The following GRIP1 variants were observed in gnomAD, a reference collection of about 807,000 sequenced individuals.
GRIP1 encodes the protein glutamate receptor-interacting protein 1.
A neutral mutation model predicts 129.9 loss-of-function variants in GRIP1; 45 were observed. The ratio of observed to expected loss-of-function variants is 0.35; its 90% confidence interval spans 0.27 to 0.44. The LOEUF is 0.44. Ranked by LOEUF, GRIP1 falls within the 20% of genes least tolerant of loss-of-function variation. The pLI is 1.00. For missense variants in GRIP1, 1,196 were observed against 1,396.8 expected (o/e 0.86, Z 2.29); for synonymous variants, 530 against 520.8 (o/e 1.02, Z -0.24).
intron 5 of GRIP1, among the ~76,000 whole-genome samples, chr12:66,519,560 T>C (rs2060942159): frequency 6.6e-6 from 1 of 152,158 alleles, no homozygotes; most frequent in African/African-American, 2.4e-5. Context: ...CTTGTTAAAG[T>C]GTGAGGTAGT....
In GRIP1 at chr12:66,734,826, G is replaced by T. The variant is rs1402854288; in HGVS notation, c.-420+69227C>A. ...AAATTCATTCTTAAAAAGAAACATC[G>T]CTAGACTAATTGAGGCTTAAAGAAG... On this transcript the variant is annotated intron_variant, in intron 1 of 4. Coordinates refer to the GRIP1 transcript ENST00000538373. Among the ~76,000 whole-genome samples the T allele has an allele frequency of 2.0e-5, 3 of 152,048 alleles. No homozygotes were observed. The East Asian group carries it at 5.8e-4, about 29-fold the overall frequency.
intron 1 of GRIP1, among the ~76,000 whole-genome samples, chr12:66,994,917 G>T (rs1445566798): frequency 6.6e-6 from 1 of 151,870 alleles, no homozygotes; most frequent in Non-Finnish European, 1.5e-5. Flanking sequence ...AAAGTTGAAG[G>T]ATTTAGACTT....
intron 8 of GRIP1, among the ~76,000 whole-genome samples, chr12:66,464,818 CTGTGTG>C (rs66669633): frequency 6.6e-6 from 1 of 150,436 alleles, no homozygotes; most frequent in Non-Finnish European, 1.5e-5. Context: ...GGCAAGAGAA[CTGTGTG>C]TGTGTGTGTG....
At chr12:66,738,435 A>T (rs2036680367) in intron 1 of GRIP1, among the ~76,000 whole-genome samples, 1 of 151,702 alleles carries the variant, frequency 6.6e-6, no homozygotes, top group Non-Finnish European at 1.5e-5. Context: ...GTTAGCCAAG[A>T]TGGTCTCGAT....
At chr12:66,447,550 C>A (rs2058666561) in intron 11 of GRIP1, among the ~76,000 whole-genome samples, 1 of 152,088 alleles carries the variant, frequency 6.6e-6, no homozygotes, top group Non-Finnish European at 1.5e-5. Flanking sequence ...TTCTGTTTAG[C>A]CTCAATTTCT....
At chr12:66,380,434 C>T (rs893201314) in intron 19 of GRIP1, among the ~76,000 whole-genome samples, 6 of 152,120 alleles carry the variant, frequency 3.9e-5, no homozygotes, top group African/African-American at 1.4e-4. Flanking sequence ...GGATAAGAAG[C>T]CTGCTGCGTT....
At chr12:66,627,166 T>G (rs2030176061) in intron 1 of GRIP1, among the ~76,000 whole-genome samples, 1 of 152,234 alleles carries the variant, frequency 6.6e-6, no homozygotes, top group Non-Finnish European at 1.5e-5. Context: ...ATATTACTAT[T>G]GGCTCTTCAT....
chr12:66,923,874 C>G (rs537413981), intron 1 of GRIP1, among the ~76,000 whole-genome samples: 7 of 151,550 alleles, frequency 4.6e-5, no homozygotes, highest in Admixed American at 4.6e-4. Flanking sequence ...GATGGAGTTT[C>G]GCTCTTGTTG....
At chr12:66,675,128 A>C (rs1326204742) in intron 1 of GRIP1, among the ~76,000 whole-genome samples, 1 of 152,184 alleles carries the variant, frequency 6.6e-6, no homozygotes, top group East Asian at 1.9e-4. Context: ...AAAATGTTGA[A>C]GTCTATACTA....
intron 19 of GRIP1, among the ~76,000 whole-genome samples, chr12:66,379,875 C>T (rs945242293): frequency 2.0e-5 from 3 of 152,100 alleles, no homozygotes; most frequent in Non-Finnish European, 4.4e-5. Context: ...ACTCCTGCCA[C>T]TTTACAAACA....
At chr12:66,754,775 G>A (rs975257328) in intron 1 of GRIP1, among the ~76,000 whole-genome samples, 2 of 152,122 alleles carry the variant, frequency 1.3e-5, no homozygotes, top group Non-Finnish European at 2.9e-5. Flanking sequence ...AGGATAGAAA[G>A]TAATAAGAGG....
chr12:66,543,194 C>T (rs2061839699), intron 2 of GRIP1, among the ~76,000 whole-genome samples: 1 of 152,100 alleles, frequency 6.6e-6, no homozygotes, highest in African/African-American at 2.4e-5. Flanking sequence ...CTACTTATTT[C>T]CTCAGCAGCC....
intron 1 of GRIP1, among the ~76,000 whole-genome samples, chr12:66,694,722 A>G (rs1436297275): frequency 6.6e-6 from 1 of 152,190 alleles, no homozygotes; most frequent in Admixed American, 6.5e-5. Context: ...TCCCCAACCC[A>G]CAGTCACCTA....
intron 1 of GRIP1, among the ~76,000 whole-genome samples, chr12:66,603,704 C>T (rs1368848419): frequency 2.0e-5 from 3 of 152,212 alleles, no homozygotes; most frequent in Non-Finnish European, 4.4e-5. Context: ...ATCCCCAGGC[C>T]TGCAATGATC....
At chr12:66,589,194 TTC>T (rs10582806) in intron 2 of GRIP1, among the ~76,000 whole-genome samples, 26,737 of 95,362 alleles carry the variant, frequency 0.28, 3,426 homozygotes, top group African/African-American at 0.33. Flanking sequence ...CTCCCCCACC[TTC>T]TCTCTCTCTC....
chr12:66,804,111 T>G (rs946948919), exon 1 of GRIP1: 8 of 455,872 alleles, frequency 1.8e-5, no homozygotes, highest in African/African-American at 1.6e-4. Flanking sequence ...GGTAATCCTC[T>G]TCTGGTCGGT....
intron 1 of GRIP1, among the ~76,000 whole-genome samples, chr12:66,610,932 TGGGTACTGATTTTAA>T (rs2064766280): frequency 6.6e-6 from 1 of 152,200 alleles, no homozygotes; most frequent in Admixed American, 6.5e-5. Context: ...CTGAATGATT[TGGGTACTGATTTTAA>T]GCACAGCCTG....
At position 66,594,531 on chromosome 12, in the gene GRIP1, G is replaced by A. The variant is rs562338795; in HGVS notation, c.136+2316C>T. On this transcript the variant is annotated intron_variant, in intron 2 of 24. Coordinates refer to ENST00000359742, the MANE Select transcript of GRIP1 (RefSeq NM_001366722.1). ...TTCATCAGCTATCATTAGTGTTAGT[G>A]TATTTTATGTGTGGCCCAAGACAAT... Among the ~76,000 whole-genome samples, 10 of 152,156 alleles carry A rather than the reference G, an allele frequency of 6.6e-5. No individual in the cohort carries two copies. In the South Asian group the frequency reaches 1.9e-3, roughly 28 times the overall value.
Position 66,515,778 on chromosome 12 carries a change from A to G in GRIP1, c.579-14T>C. ...ATCGTGCCCTCTCTGAAGGGAGAAT[A>G]AAGGAATAGTCTTGATTAATTTAGC... On this transcript the variant is annotated splice_polypyrimidine_tract_variant and intron_variant, in intron 6 of 24. Transcript: ENST00000359742. 1.9e-6 allele frequency: 3 copies of G among 1,611,568 alleles called. No homozygotes were observed. Among genetic ancestry groups the G allele is most frequent in the Non-Finnish European group, 2.5e-6 (3 of 1,177,792 alleles).
Sources: allele counts gnomAD v4.1 joint callset (sites outside exome capture counted in the v4.1 genomes callset), GRCh38; gene constraint gnomAD v4.1.1; transcripts MANE v1.5; gene names NCBI Gene and HGNC (gene_info 2026-07-23, HGNC 2026-07-21).